The following ATL1 variants were observed in gnomAD, a reference collection of about 807,000 sequenced individuals.
ATL1 encodes atlastin-1.
Under a neutral mutation model 75.5 loss-of-function variants are expected in ATL1, and 31 were observed. The observed-to-expected ratio is 0.41, with a 90% CI of 0.31 to 0.55. The LOEUF (loss-of-function observed/expected upper bound fraction) is 0.55, where lower values mean the gene tolerates loss of function less well. ATL1 is among the 20% of genes least tolerant of loss of function. The probability of loss-of-function intolerance (pLI) is 0.27; values close to 1 mark genes in which losing one functional copy is unlikely to be tolerated. For missense variants in ATL1, 405 were observed against 662.6 expected, an observed-to-expected ratio of 0.61 and a Z score of 4.27; for synonymous variants, 226 against 233.3, an observed-to-expected ratio of 0.97 and a Z score of 0.28.
chr14:50,601,859 A>G (rs568151424), intron 6 of ATL1, among the ~76,000 whole-genome samples: 33 of 152,334 alleles, frequency 2.2e-4, no homozygotes, highest in African/African-American at 7.5e-4. Flanking sequence ...TAATTTAAAC[A>G]TGGCTGTATG....
At chr14:50,560,107 T>TC, upstream of ATL1, 1 of 796,056 alleles carries the variant, frequency 1.3e-6, no homozygotes, top group Non-Finnish European at 2.1e-6. Context: ...TCCCTTTTCC[T>TC]CCCCACTCCT....
chr14:50,587,039 T>C (rs1241775075), intron 1 of ATL1, among the ~76,000 whole-genome samples: 2 of 152,214 alleles, frequency 1.3e-5, no homozygotes, highest in South Asian at 4.1e-4. Flanking sequence ...GGCTTTAATT[T>C]CCTCATCTAT....
At chr14:50,597,796 G>T (rs1406417133) in intron 6 of ATL1, among the ~76,000 whole-genome samples, 10 of 152,062 alleles carry the variant, frequency 6.6e-5, no homozygotes, top group African/African-American at 2.4e-4. Flanking sequence ...TGGGATTCAC[G>T]CCATTCTCCT....
chr14:50,632,200 G>GT (rs2039588740), intron 13 of ATL1, 29 bp from the exon 14 acceptor site: 7 of 1,528,390 alleles, frequency 4.6e-6, no homozygotes, highest in Non-Finnish European at 6.3e-6. Context: ...TTAATAAAAT[G>GT]TTTTATAATT....
chr14:50,590,923 G>A lies in ATL1; in HGVS notation c.283-18G>A. ...TACACATATCAAGTTCCATATCATA[G>A]ACTTTATCATTTTATAGGAATCAGT... On this transcript the variant is annotated intron_variant, in intron 2 of 13. Transcript: ENST00000358385. 6.2e-7 allele frequency: 1 copy of A among 1,612,556 alleles called. No homozygotes were observed. Among genetic ancestry groups the A allele is most frequent in the Non-Finnish European group, 8.5e-7 (1 of 1,179,012 alleles).
intron 2 of ATL1, among the ~76,000 whole-genome samples, chr14:50,590,118 G>A (rs187366861): frequency 7.8e-4 from 119 of 152,240 alleles, no homozygotes; most frequent in African/African-American, 2.7e-3. Context: ...ACTTGCATCA[G>A]TACTTGTCTA....
rs1278783412 is a variant in ATL1, at chr14:50,587,972, C to T, written c.176C>T (p.Ser59Leu). ...DETALNRILL[S>L]EAVRDKEVVA... ...ACTGCATTAAATCGGATCCTTCTCT[C>T]GGAGGCTGTCAGAGACAAGGAGGTT... The change falls in exon 2 of 14, where the codon TCG (serine) becomes TTG (leucine). Residue 59 changes from serine to leucine, a missense_variant. This residue lies in a region of ATL1 where 126 missense variants were observed against 172.0 expected (regional missense o/e 0.73). Transcript: ENST00000358385. The T allele has an allele frequency of 3.5e-5, 57 of 1,614,058 alleles. No homozygotes were observed. The highest frequency in any genetic ancestry group is 8.9e-5 in the East Asian group (4 of 44,882).
At position 50,546,835 on chromosome 14, in the gene ATL1, AG is replaced by A. The variant is rs1214453414; in HGVS notation, c.-139-13290del. Among the ~76,000 whole-genome samples, 5 of 2,266 alleles carry A rather than the reference AG, an allele frequency of 2.2e-3. No homozygotes were observed. The East Asian group carries it at 0.17, about 76-fold the overall frequency. 1.5% of individuals were successfully genotyped at this position (2,266 alleles called of 152,430 possible). A position where few individuals can be genotyped will look rare whatever the true frequency, so the allele number is the denominator to read the frequency against. The stretch of plus-strand genomic sequence containing the variant: ...TATCAGCAAAATGCCCATGTGTTTA[AG>A]GTTTTTTTTTAATTATTATACTTTA... On this transcript the variant is annotated intron_variant, in intron 1 of 13. Coordinates refer to the ATL1 transcript ENST00000441560.
chr14:50,579,943 T>C (rs1339729810), intron 1 of ATL1, among the ~76,000 whole-genome samples: 1 of 152,202 alleles, frequency 6.6e-6, no homozygotes, highest in African/African-American at 2.4e-5. Flanking sequence ...TACTAGATGA[T>C]CAGGTTTTAT....
At chr14:50,572,474 C>G (rs2038963378) in intron 1 of ATL1, among the ~76,000 whole-genome samples, 1 of 152,064 alleles carries the variant, frequency 6.6e-6, no homozygotes. Context: ...TTTCATCAAG[C>G]TGGCATAAGA....
intron 1 of ATL1, among the ~76,000 whole-genome samples, chr14:50,536,699 C>T (rs1169499619): frequency 1.3e-5 from 2 of 152,184 alleles, no homozygotes; most frequent in African/African-American, 4.8e-5. Flanking sequence ...CTTGTTGGAA[C>T]TGGAGCAAAG....
intron 6 of ATL1, among the ~76,000 whole-genome samples, chr14:50,608,965 C>T (rs1180617837): frequency 6.6e-6 from 1 of 151,894 alleles, no homozygotes; most frequent in Non-Finnish European, 1.5e-5. Context: ...CTCCTCTCCC[C>T]CACAAGAATC....
rs1321518969 is a variant in ATL1 at position 50,593,933 on chromosome 14, G to A, written c.573+37G>A. On this transcript the variant is annotated intron_variant, in intron 5 of 13. Coordinates refer to ENST00000358385, the MANE Select transcript of ATL1 (RefSeq NM_015915.5). ...TATTTTCTTTTTTGTGTATCTGGTA[G>A]TCTTTGAAACATGTATAGCAGAACT... The A allele has an allele frequency of 2.0e-6, 3 of 1,470,554 alleles. No individual in the cohort carries two copies. In the Admixed American group the frequency reaches 5.0e-5, roughly 25 times the overall value. 91.1% of individuals were successfully genotyped at this position (1,470,554 alleles called of 1,614,324 possible).
Position 50,628,344 on chromosome 14 carries a change from A to T in ATL1, c.1433A>T (p.Asn478Ile). 6.2e-7 allele frequency: 1 copy of T among 1,614,186 alleles called. No homozygotes were observed. Among genetic ancestry groups the T allele is most frequent in the Non-Finnish European group, 8.5e-7 (1 of 1,180,024 alleles). The change falls in exon 12 of 14, where the codon AAT (asparagine) becomes ATT (isoleucine). Residue 478 changes from asparagine to isoleucine, a missense_variant. Transcript: ENST00000358385. ...TTGGACATCATAGCTAGCCTATGCAATATGATAATGGGACTGACCCTTATC... is the reference window on the plus strand; with the variant it reads ...TTGGACATCATAGCTAGCCTATGCATTATGATAATGGGACTGACCCTTATC... The part of the protein sequence containing the change: ...IGLDIIASLC[N>I]MIMGLTLITL...
chr14:50,550,635 A>T (rs938160724), intron 1 of ATL1, among the ~76,000 whole-genome samples: 1 of 152,380 alleles, frequency 6.6e-6, no homozygotes, highest in Non-Finnish European at 1.5e-5. Flanking sequence ...ACTAAAAGAT[A>T]TGTGCCCTTA....
chr14:50,590,069 AT>A lies in ATL1; in HGVS notation c.283-867del, dbSNP rs1398526532. Among the ~76,000 whole-genome samples, 4 of 151,966 alleles carry A rather than the reference AT, an allele frequency of 2.6e-5. No homozygotes were observed. The East Asian group carries it at 7.7e-4, about 29-fold the overall frequency. ...ATCTTCAGCCTTTAAACAATTGATA[AT>A]TTTTCCTATTCTGTCTTCCTTTGGC... On this transcript the variant is annotated intron_variant, in intron 2 of 13. Transcript: ENST00000358385.
At position 50,560,597 on chromosome 14, in the gene ATL1, C is replaced by A. The variant is rs554829673; in HGVS notation, c.34+298C>A. 1.3e-5 allele frequency: 6 copies of A among 447,838 alleles called. No homozygotes were observed. The East Asian group carries it at 2.6e-4, about 20-fold the overall frequency. The allele number at this position is 447,838 out of a possible 1,614,324, so 27.7% of individuals were successfully genotyped here. On this transcript the variant is annotated intron_variant, in intron 1 of 13. Transcript: ENST00000358385. ...GCATTTGGACAGCACCCACCAGGCG[C>A]CTCCGGGGACTTGTGGGTTCCGCCT...
intron 1 of ATL1, among the ~76,000 whole-genome samples, chr14:50,561,601 T>A (rs2038846426): frequency 6.6e-6 from 1 of 152,184 alleles, no homozygotes; most frequent in Non-Finnish European, 1.5e-5. Flanking sequence ...TGCCTCTGAT[T>A]GTTCTAATGG....
intron 6 of ATL1, among the ~76,000 whole-genome samples, chr14:50,609,448 T>A (rs1352393861): frequency 6.6e-6 from 1 of 152,070 alleles, no homozygotes; most frequent in Non-Finnish European, 1.5e-5. Flanking sequence ...GTACTGCTAC[T>A]CTGCGGCTGT....
Sources: allele counts gnomAD v4.1 joint callset (sites outside exome capture counted in the v4.1 genomes callset), GRCh38; gene constraint gnomAD v4.1.1; regional missense constraint gnomAD v4.1.1; transcripts MANE v1.5; gene names NCBI Gene and HGNC (gene_info 2026-07-23, HGNC 2026-07-21).